POFUT3: variants seen among roughly 807,000 people sequenced by gnomAD.
POFUT3 encodes the protein GDP-fucose protein O-fucosyltransferase 3.
chr8:33,395,348 G>T, the POFUT3 span, among the ~76,000 whole-genome samples: 2 of 152,126 alleles, frequency 1.3e-5, no homozygotes, highest in African/African-American at 4.8e-5. Flanking sequence ...AGAAGAGAAG[G>T]AGCATCTGAA....
chr8:33,442,209 C>G, the POFUT3 span, among the ~76,000 whole-genome samples: 1 of 152,176 alleles, frequency 6.6e-6, no homozygotes. Context: ...TTGTGATCTG[C>G]CCGCCTCAGC....
At chr8:33,331,412 GAGAA>G in the POFUT3 span, among the ~76,000 whole-genome samples, 1 of 152,042 alleles carries the variant, frequency 6.6e-6, no homozygotes, top group Non-Finnish European at 1.5e-5. Flanking sequence ...ATTCTTCATA[GAGAA>G]AGAATCATGG....
chr8:33,379,980 C>CTATA, the POFUT3 span, among the ~76,000 whole-genome samples: 1 of 80,010 alleles, frequency 1.2e-5, no homozygotes, highest in Non-Finnish European at 2.2e-5. Flanking sequence ...TATATACACT[C>CTATA]TATATATATA....
chr8:33,327,133 T>G, the POFUT3 span, among the ~76,000 whole-genome samples: 4 of 152,140 alleles, frequency 2.6e-5, no homozygotes, highest in East Asian at 7.8e-4. Flanking sequence ...TGATAGGAGG[T>G]GAAGGGGAGC....
the POFUT3 span, among the ~76,000 whole-genome samples, chr8:33,319,848 A>C: frequency 7.0e-6 from 1 of 142,670 alleles, no homozygotes; most frequent in East Asian, 2.0e-4. Flanking sequence ...CCAGCTCCTG[A>C]GGCATAGTCT....
the POFUT3 span, among the ~76,000 whole-genome samples, chr8:33,426,585 T>G: frequency 6.6e-6 from 1 of 152,200 alleles, no homozygotes; most frequent in African/African-American, 2.4e-5. Context: ...CCCCATCCAC[T>G]GGGCATACAA....
the POFUT3 span, among the ~76,000 whole-genome samples, chr8:33,373,697 G>GAGGAGAGACAGAAAAACTCC: frequency 2.0e-5 from 3 of 152,158 alleles, no homozygotes; most frequent in Admixed American, 2.0e-4. Context: ...AAAAGAGAAA[G>GAGGAGAGACAGAAAAACTCC]AGGAGAGACA....
the POFUT3 span, among the ~76,000 whole-genome samples, chr8:33,470,861 T>C: frequency 6.6e-6 from 1 of 152,114 alleles, no homozygotes; most frequent in Non-Finnish European, 1.5e-5. Context: ...TCTCATCCCA[T>C]AAATTATATC....
chr8:33,385,273 G>T, the POFUT3 span, among the ~76,000 whole-genome samples: 3 of 152,140 alleles, frequency 2.0e-5, no homozygotes, highest in African/African-American at 7.2e-5. Context: ...TTCCATTAGG[G>T]GCACAGGAAG....
At chr8:33,347,551 G>A in the POFUT3 span, among the ~76,000 whole-genome samples, 1 of 152,124 alleles carries the variant, frequency 6.6e-6, no homozygotes, top group Non-Finnish European at 1.5e-5. Flanking sequence ...ATTTACTCAT[G>A]GGCAGGTTTT....
At chr8:33,408,596 A>G in the POFUT3 span, among the ~76,000 whole-genome samples, 96 of 152,298 alleles carry the variant, frequency 6.3e-4, 1 homozygote, top group Non-Finnish European at 6.0e-4. Context: ...TCCATGTCAT[A>G]TAAGTGTGCA....
chr8:33,374,719 C>T, the POFUT3 span, among the ~76,000 whole-genome samples: 1 of 151,932 alleles, frequency 6.6e-6, no homozygotes, highest in Non-Finnish European at 1.5e-5. Flanking sequence ...TTAAAATATT[C>T]TGTAAAAAAA....
At chr8:33,396,048 A>G in the POFUT3 span, among the ~76,000 whole-genome samples, 1 of 152,188 alleles carries the variant, frequency 6.6e-6, no homozygotes, top group South Asian at 2.1e-4. Context: ...TGTAGCATCA[A>G]GGAGTAGTGG....
At chr8:33,457,896 G>A in the POFUT3 span, among the ~76,000 whole-genome samples, 9 of 99,982 alleles carry the variant, frequency 9.0e-5, no homozygotes, top group East Asian at 2.3e-3. Flanking sequence ...TTAAGTGTAG[G>A]TAACTATAAT....
chr8:33,406,188 C>T, the POFUT3 span, among the ~76,000 whole-genome samples: 1 of 151,564 alleles, frequency 6.6e-6, no homozygotes, highest in Non-Finnish European at 1.5e-5. Flanking sequence ...ACTATAGAAT[C>T]AACATAGCTT....
chr8:33,439,987 T>C, the POFUT3 span, among the ~76,000 whole-genome samples: 3 of 152,148 alleles, frequency 2.0e-5, no homozygotes, highest in East Asian at 3.9e-4. Flanking sequence ...TTTCTCTTCC[T>C]TCCACCTTCA....
chr8:33,458,728 A>G, the POFUT3 span, among the ~76,000 whole-genome samples: 3 of 152,166 alleles, frequency 2.0e-5, no homozygotes, highest in East Asian at 5.8e-4. Context: ...AACAAAAAAC[A>G]AAAACAAAAA....
chr8:33,442,302 G>C, the POFUT3 span, among the ~76,000 whole-genome samples: 2 of 138,958 alleles, frequency 1.4e-5, no homozygotes, highest in Admixed American at 7.3e-5. Flanking sequence ...TTTTTTTTTG[G>C]GGGGGGACAG....
At chr8:33,365,160 A>G in the POFUT3 span, among the ~76,000 whole-genome samples, 1 of 152,250 alleles carries the variant, frequency 6.6e-6, no homozygotes, top group East Asian at 1.9e-4. Flanking sequence ...AAATGGGGAA[A>G]GGATTTCCTA....
Sources: allele counts gnomAD v4.1 joint callset (sites outside exome capture counted in the v4.1 genomes callset), GRCh38; gene constraint gnomAD v4.1.1; transcripts MANE v1.5; gene names NCBI Gene and HGNC (gene_info 2026-07-23, HGNC 2026-07-21).